Variants in TUFT1 observed in about 807,000 individuals in gnomAD.
TUFT1 encodes tuftelin 1.
Under a neutral mutation model 57.8 loss-of-function variants are expected in TUFT1, and 43 were observed. That is an observed-to-expected ratio of 0.74 (90% CI 0.58 to 0.96). The LOEUF is 0.96. TUFT1 is among the 40% of genes least tolerant of loss of function. The pLI, the probability that TUFT1 is intolerant of heterozygous loss-of-function variation, is 0.00. For missense variants in TUFT1, 459 were observed against 489.0 expected (o/e 0.94, Z 0.58); for synonymous variants, 166 against 176.7 (o/e 0.94, Z 0.48).
At chr1:151,561,935 A>G in intron 1 of TUFT1, 156 bp from the exon 2 acceptor site, 2 of 1,496,140 alleles carry the variant, frequency 1.3e-6, no homozygotes, top group Non-Finnish European at 1.8e-6. Context: ...GGGCAAGGTA[A>G]TGCTGCCTCC....
intron 6 of TUFT1, among the ~76,000 whole-genome samples, chr1:151,567,998 A>G (rs1385730134): frequency 6.6e-6 from 1 of 152,254 alleles, no homozygotes; most frequent in Non-Finnish European, 1.5e-5. Flanking sequence ...GAGAAAAACC[A>G]CAGTGAAATT....
intron 6 of TUFT1, among the ~76,000 whole-genome samples, chr1:151,567,695 G>A (rs1445246036): frequency 2.0e-5 from 3 of 152,090 alleles, no homozygotes; most frequent in African/African-American, 7.2e-5. Flanking sequence ...ACTGGCGTGA[G>A]CCACCACGCC....
intron 1 of TUFT1, chr1:151,558,007 A>C: frequency 4.5e-6 from 2 of 447,318 alleles, no homozygotes; most frequent in African/African-American, 2.1e-5. Flanking sequence ...AAAAAAGAAA[A>C]CCTAAGAGGG....
At chr1:151,555,185 C>T (rs545834826) in intron 1 of TUFT1, among the ~76,000 whole-genome samples, 1 of 151,062 alleles carries the variant, frequency 6.6e-6, no homozygotes, top group East Asian at 2.0e-4. Flanking sequence ...AAAACTTAGC[C>T]AGCTATGGTG....
At chr1:151,573,951 G>T (rs2102552028) in intron 7 of TUFT1, among the ~76,000 whole-genome samples, 1 of 152,320 alleles carries the variant, frequency 6.6e-6, no homozygotes, top group Non-Finnish European at 1.5e-5. Context: ...ATTGGGTTAA[G>T]CTTGGGTGGT....
chr1:151,576,169 A>G (rs1451038773), intron 9 of TUFT1, among the ~76,000 whole-genome samples: 1 of 152,112 alleles, frequency 6.6e-6, no homozygotes, highest in Admixed American at 6.6e-5. Flanking sequence ...TTTAGGAAGG[A>G]TAAGGGGTAG....
rs747288018 is a variant in TUFT1 at position 151,562,587 on chromosome 1, G to A, written c.138G>A (p.Ala46=). The A allele has an allele frequency of 2.5e-5, 41 of 1,611,474 alleles. No homozygotes were observed. Among genetic ancestry groups the A allele is most frequent in the Non-Finnish European group, 3.2e-5 (38 of 1,179,632 alleles). The change falls in exon 3 of 13, where the codon GCG becomes GCA. Residue 46 remains alanine (A), a splice_region_variant and synonymous_variant. Transcript: ENST00000368849. ...CTCTCTCATCTCTCTTTGGCCAGGCGGGCAGGAAGACCTATGCCATGGTGT... is the reference window on the plus strand; with the variant it reads ...CTCTCTCATCTCTCTTTGGCCAGGCAGGCAGGAAGACCTATGCCATGGTGT... ...GDELEHIAQK[A]GRKTYAMVSS... is the part of the protein sequence containing the mutation.
chr1:151,568,721 T>A (rs1206038639), intron 6 of TUFT1, among the ~76,000 whole-genome samples: 2 of 152,246 alleles, frequency 1.3e-5, no homozygotes, highest in Non-Finnish European at 2.9e-5. Flanking sequence ...TGAATCACCA[T>A]ATTTGGCAAA....
At chr1:151,575,300 C>T (rs1666428564) in intron 9 of TUFT1, among the ~76,000 whole-genome samples, 1 of 152,172 alleles carries the variant, frequency 6.6e-6, no homozygotes, top group Non-Finnish European at 1.5e-5. Context: ...TCTGCTGTTG[C>T]TGTGTGTCAT....
chr1:151,569,888 G>T, intron 7 of TUFT1, 118 bp downstream of exon 7: 1 of 834,246 alleles, frequency 1.2e-6, no homozygotes, highest in Non-Finnish European at 2.0e-6. Flanking sequence ...AACTGGAAAG[G>T]CAAGGCTGTG....
intron 1 of TUFT1, among the ~76,000 whole-genome samples, chr1:151,560,244 C>T (rs867044647): frequency 5.9e-5 from 9 of 151,600 alleles, no homozygotes; most frequent in Non-Finnish European, 8.8e-5. Flanking sequence ...GGCGAAACCC[C>T]GTCTCTACTA....
At chr1:151,578,954 C>T (rs535011183) in intron 10 of TUFT1, 128 bp downstream of exon 10, 3 of 681,408 alleles carry the variant, frequency 4.4e-6, no homozygotes. Context: ...TACCAATTAC[C>T]AGGTTCAGGT....
chr1:151,559,221 T>C (rs1401401491), intron 1 of TUFT1, among the ~76,000 whole-genome samples: 1 of 152,252 alleles, frequency 6.6e-6, no homozygotes, highest in African/African-American at 2.4e-5. Flanking sequence ...GCATTCTCTG[T>C]GCATTCAGAA....
At chr1:151,581,119 T>G (rs1666635671) in intron 12 of TUFT1, 77 bp downstream of exon 12, 2 of 1,351,220 alleles carry the variant, frequency 1.5e-6, no homozygotes, top group Non-Finnish European at 2.1e-6. Flanking sequence ...GAACCTTTAG[T>G]GCTAAGGCAA....
chr1:151,574,151 C>G lies in TUFT1; in HGVS notation c.595-119C>G, dbSNP rs1340500659. The G allele has an allele frequency of 3.1e-6, 4 of 1,295,908 alleles. No individual in the cohort carries two copies. The East Asian group carries it at 9.6e-5, about 31-fold the overall frequency. 80.3% of individuals were successfully genotyped at this position (1,295,908 alleles called of 1,614,324 possible). Reference sequence around the variant, plus strand: ...GGTGGTGGTGAGCCCATCAGTGTCACCACCTTTCTCCCGTCATGGCTCCAG... The same window carrying G: ...GGTGGTGGTGAGCCCATCAGTGTCAGCACCTTTCTCCCGTCATGGCTCCAG... On this transcript the variant is annotated intron_variant, in intron 7 of 12. Coordinates refer to ENST00000368849, the MANE Select transcript of TUFT1 (RefSeq NM_020127.3).
intron 10 of TUFT1, 103 bp from the exon 11 acceptor site, chr1:151,579,546 A>G: frequency 9.6e-7 from 1 of 1,044,794 alleles, no homozygotes; most frequent in Non-Finnish European, 1.4e-6. Flanking sequence ...AGTCATATGG[A>G]GTTGCAGGGC....
At chr1:151,558,041 C>G in intron 1 of TUFT1, 1 of 368,668 alleles carries the variant, frequency 2.7e-6, no homozygotes, top group Non-Finnish European at 5.2e-6. Context: ...TTGTATTTAC[C>G]CATCTTTTTT....
intron 7 of TUFT1, among the ~76,000 whole-genome samples, chr1:151,571,931 C>T (rs1666261412): frequency 6.6e-6 from 1 of 151,984 alleles, no homozygotes; most frequent in Non-Finnish European, 1.5e-5. Flanking sequence ...CGCTGTGGCT[C>T]ACACCTGTGA....
chr1:151,542,406 T>C (rs1387780716), intron 1 of TUFT1, among the ~76,000 whole-genome samples: 1 of 151,136 alleles, frequency 6.6e-6, no homozygotes, highest in South Asian at 2.1e-4. Context: ...TTTTTTTTTT[T>C]CTGTTGGTAG....
Sources: gnomAD v4.1 joint callset for allele counts (sites outside exome capture counted in the v4.1 genomes callset) on GRCh38, gnomAD v4.1.1 for gene constraint, MANE v1.5 for transcripts, NCBI Gene and HGNC (gene_info 2026-07-23, HGNC 2026-07-21) for gene names.